The following SORCS2 variants were observed in gnomAD, a reference collection of about 807,000 sequenced individuals.
SORCS2 encodes sortilin related VPS10 domain containing receptor 2, also known as VPS10 domain-containing receptor SorCS2.
SORCS2 carries 100 observed loss-of-function variants against 141.6 expected under a neutral mutation model. That is an observed-to-expected ratio of 0.71 (90% CI 0.60 to 0.83). The LOEUF is 0.83. SORCS2 is among the 40% of genes least tolerant of loss of function. The pLI is 0.00. For missense variants in SORCS2, 1,646 were observed against 1,560.2 expected, an observed-to-expected ratio of 1.05 and a Z score of -0.93; for synonymous variants, 789 against 676.9, an observed-to-expected ratio of 1.17 and a Z score of -2.57.
intron 1 of SORCS2, among the ~76,000 whole-genome samples, chr4:7,395,212 G>A (rs2091719367): frequency 6.6e-6 from 1 of 152,216 alleles, no homozygotes; most frequent in South Asian, 2.1e-4. Context: ...GGGAAAGAAA[G>A]ATACTAGGTC....
At chr4:7,485,459 TCAC>T (rs1730919630) in intron 2 of SORCS2, among the ~76,000 whole-genome samples, 1 of 152,180 alleles carries the variant, frequency 6.6e-6, no homozygotes, top group Non-Finnish European at 1.5e-5. Flanking sequence ...GCCCCACCCC[TCAC>T]CTGGAGCCCC....
chr4:7,226,872 G>A (rs533388112), intron 1 of SORCS2, among the ~76,000 whole-genome samples: 24 of 152,250 alleles, frequency 1.6e-4, no homozygotes, highest in Non-Finnish European at 2.9e-4. Flanking sequence ...TTCCCTTCTG[G>A]GTCTCCTCAT....
At chr4:7,284,916 G>A (rs547264803) in intron 1 of SORCS2, among the ~76,000 whole-genome samples, 13 of 151,970 alleles carry the variant, frequency 8.6e-5, no homozygotes, top group East Asian at 5.8e-4. Context: ...TGGCTGTGTC[G>A]TTTCACTCTC....
chr4:7,317,346 T>G (rs2108935867), intron 1 of SORCS2, among the ~76,000 whole-genome samples: 1 of 152,298 alleles, frequency 6.6e-6, no homozygotes, highest in East Asian at 1.9e-4. Context: ...GGCCTATGTG[T>G]AAGGCTGGAT....
intron 1 of SORCS2, among the ~76,000 whole-genome samples, chr4:7,317,523 G>A (rs1407353863): frequency 6.6e-6 from 1 of 152,192 alleles, no homozygotes; most frequent in Non-Finnish European, 1.5e-5. Context: ...GAGCCCAGGT[G>A]GCCACTTCTT....
intron 1 of SORCS2, among the ~76,000 whole-genome samples, chr4:7,300,383 G>A (rs879712112): frequency 2.6e-5 from 4 of 152,126 alleles, no homozygotes; most frequent in East Asian, 1.9e-4. Flanking sequence ...AAGGACTTCC[G>A]TGAACTCACC....
intron 11 of SORCS2, among the ~76,000 whole-genome samples, chr4:7,694,557 G>A (rs989944411): frequency 4.2e-4 from 64 of 152,214 alleles, no homozygotes; most frequent in Non-Finnish European, 7.3e-5. Context: ...GCAGTGTGCT[G>A]ACGCGGCAAC....
At chr4:7,402,505 C>G (rs1248789473) in intron 2 of SORCS2, among the ~76,000 whole-genome samples, 1 of 152,130 alleles carries the variant, frequency 6.6e-6, no homozygotes, top group Non-Finnish European at 1.5e-5. Flanking sequence ...GGTAATTTGT[C>G]CATGTAGCAC....
intron 3 of SORCS2, among the ~76,000 whole-genome samples, chr4:7,626,360 T>C (rs1719516201): frequency 2.0e-5 from 3 of 152,200 alleles, no homozygotes; most frequent in Non-Finnish European, 2.9e-5. Context: ...TTTTAAAATA[T>C]TGACTTAACA....
intron 1 of SORCS2, among the ~76,000 whole-genome samples, chr4:7,302,598 G>A (rs1000213735): frequency 1.3e-5 from 2 of 152,108 alleles, no homozygotes; most frequent in Non-Finnish European, 2.9e-5. Flanking sequence ...CCCTGACTTG[G>A]ACCTGTTTTT....
At position 7,227,963 on chromosome 4, in the gene SORCS2, G is replaced by C. The variant is rs144053645; in HGVS notation, c.480+34837G>C. 4.0e-4 allele frequency among the ~76,000 whole-genome samples: 61 copies of C among 152,328 alleles called. 1 individual carries two copies. The East Asian group carries it at 9.1e-3, about 23-fold the overall frequency. ...CTCATCCAGCTGTGAGGCAGGGGGTGGCGGGAGCTGAGGATGACTGAACGG... is the reference window on the plus strand; with the variant it reads ...CTCATCCAGCTGTGAGGCAGGGGGTCGCGGGAGCTGAGGATGACTGAACGG... On this transcript the variant is annotated intron_variant, in intron 1 of 26. Transcript: ENST00000507866.
chr4:7,328,185 C>T (rs1577404385), intron 1 of SORCS2, among the ~76,000 whole-genome samples: 1 of 147,470 alleles, frequency 6.8e-6, no homozygotes, highest in Non-Finnish European at 1.5e-5. Flanking sequence ...ACCACCATGC[C>T]TGGCTAATTT....
chr4:7,642,431 TTGGTTCTTTTC>T (rs1282918019), intron 4 of SORCS2, among the ~76,000 whole-genome samples: 1 of 152,240 alleles, frequency 6.6e-6, no homozygotes, highest in African/African-American at 2.4e-5. Flanking sequence ...GTTATTTGCT[TTGGTTCTTTTC>T]TGTGACTATA....
chr4:7,706,524 G>A (rs1230358008), intron 14 of SORCS2, among the ~76,000 whole-genome samples: 2 of 141,784 alleles, frequency 1.4e-5, no homozygotes, highest in African/African-American at 5.3e-5. Context: ...ATGAGGCTGG[G>A]CTCTGTCTGG....
chr4:7,246,419 A>C (rs938328083), intron 1 of SORCS2, among the ~76,000 whole-genome samples: 1 of 151,202 alleles, frequency 6.6e-6, no homozygotes, highest in African/African-American at 2.4e-5. Flanking sequence ...GAACCCACAC[A>C]TCTCACTCGG....
At chr4:7,511,449 CACACACACAGAT>C in intron 2 of SORCS2, among the ~76,000 whole-genome samples, 1 of 146,202 alleles carries the variant, frequency 6.8e-6, no homozygotes, top group African/African-American at 2.5e-5. Context: ...GACACACACA[CACACACACAGAT>C]ACACACACAA....
At chr4:7,381,498 C>T (rs1202919305) in intron 1 of SORCS2, among the ~76,000 whole-genome samples, 1 of 152,232 alleles carries the variant, frequency 6.6e-6, no homozygotes, top group Non-Finnish European at 1.5e-5. Context: ...AGCCCAGTTT[C>T]CCAAAGGCTC....
At chr4:7,443,378 C>G (rs371642292) in intron 2 of SORCS2, among the ~76,000 whole-genome samples, 3 of 152,176 alleles carry the variant, frequency 2.0e-5, no homozygotes, top group African/African-American at 7.2e-5. Context: ...GCACCTAGGA[C>G]TCACCAGTCT....
At chr4:7,316,705 C>G (rs1323099223) in intron 1 of SORCS2, among the ~76,000 whole-genome samples, 1 of 152,136 alleles carries the variant, frequency 6.6e-6, no homozygotes, top group East Asian at 1.9e-4. Flanking sequence ...ATGTTCTGTT[C>G]ATAGTAGAAA....
Sources: gnomAD v4.1 joint callset for allele counts (sites outside exome capture counted in the v4.1 genomes callset) on GRCh38, gnomAD v4.1.1 for gene constraint, MANE v1.5 for transcripts, NCBI Gene and HGNC (gene_info 2026-07-23, HGNC 2026-07-21) for gene names.